HTT: variants seen among roughly 807,000 people sequenced by gnomAD.
HTT encodes the protein huntingtin, also known as huntington disease protein.
In HTT, 104 loss-of-function variants were observed where a neutral mutation model predicts 362.3. The observed-to-expected ratio is 0.29, with a 90% CI of 0.24 to 0.34. The LOEUF (loss-of-function observed/expected upper bound fraction) is 0.34, where lower values mean the gene tolerates loss of function less well. Ranked by LOEUF, HTT falls within the 10% of genes least tolerant of loss-of-function variation. The probability of loss-of-function intolerance (pLI) is 1.00; values close to 1 mark genes in which losing one functional copy is unlikely to be tolerated. For synonymous variants in HTT, 1,577 were observed against 1,548.7 expected, an observed-to-expected ratio of 1.02 and a Z score of -0.43; for missense variants, 3,301 against 3,928.6, an observed-to-expected ratio of 0.84 and a Z score of 4.27.
At chr4:3,084,904 C>T (rs185591130) in intron 1 of HTT, among the ~76,000 whole-genome samples, 96 of 151,596 alleles carry the variant, frequency 6.3e-4, no homozygotes, top group African/African-American at 2.1e-3. Context: ...GTCCCAGCTA[C>T]TTGGGAGGCT....
At chr4:3,182,671 G>A (rs1172959642) in intron 37 of HTT, among the ~76,000 whole-genome samples, 1 of 152,076 alleles carries the variant, frequency 6.6e-6, no homozygotes, top group Non-Finnish European at 1.5e-5. Flanking sequence ...TACTTTACAG[G>A]GGGGATCCCA....
intron 1 of HTT, among the ~76,000 whole-genome samples, chr4:3,076,420 T>C (rs1712554159): frequency 6.6e-6 from 1 of 152,250 alleles, no homozygotes; most frequent in Non-Finnish European, 1.5e-5. Flanking sequence ...GTTATGATCC[T>C]TGTCTCGTCT....
chr4:3,229,805 C>A, intron 59 of HTT, 82 bp from the exon 60 acceptor site: 1 of 1,424,038 alleles, frequency 7.0e-7, no homozygotes, highest in Non-Finnish European at 9.9e-7. Context: ...ACACGACTTG[C>A]CAGTAGTAGC....
intron 40 of HTT, among the ~76,000 whole-genome samples, chr4:3,198,740 T>A (rs1719384825): frequency 6.6e-6 from 1 of 152,236 alleles, no homozygotes; most frequent in African/African-American, 2.4e-5. Flanking sequence ...CCTGGAGCCC[T>A]GAGAAGGATG....
chr4:3,238,678 C>A, intron 65 of HTT, 69 bp downstream of exon 65: 1 of 1,507,676 alleles, frequency 6.6e-7, no homozygotes, highest in Non-Finnish European at 9.0e-7. Context: ...GACTTCCCAG[C>A]AGATTCGCCA....
rs1177357072 is a variant in HTT, at chr4:3,206,564, C to T, written c.5787C>T (p.Ser1929=). ...LIVNHIQDLI[S]LSHEPPVQDF... is the part of the protein sequence containing the mutation. ...TAAATCACATTCAAGATCTGATCAG[C>T]CTTTCCCACGAGCCTCCAGTACAGG... The change falls in exon 43 of 67, where the codon AGC becomes AGT. Residue 1929 remains serine (S), a synonymous_variant. Coordinates refer to ENST00000355072, the MANE Select transcript of HTT (RefSeq NM_001388492.1). The surrounding 1 kb of genome is among the most constrained non-coding windows in gnomAD (Gnocchi z 4.6). 5.6e-6 allele frequency: 9 copies of T among 1,614,066 alleles called. No homozygotes were observed. Among genetic ancestry groups the T allele is most frequent in the Non-Finnish European group, 7.6e-6 (9 of 1,179,980 alleles).
intron 1 of HTT, among the ~76,000 whole-genome samples, chr4:3,085,769 GTTTAGTTGTT>G (rs1713173569): frequency 6.6e-6 from 1 of 152,142 alleles, no homozygotes. Context: ...TAGTCTTTTA[GTTTAGTTGTT>G]TTTAGTTGGT....
At position 3,220,130 on chromosome 4, in the gene HTT, A is replaced by T. The variant is rs1720606736; in HGVS notation, c.7243-52A>T. 1.9e-6 allele frequency: 3 copies of T among 1,607,038 alleles called. No homozygotes were observed. In the South Asian group the frequency reaches 3.3e-5, roughly 18 times the overall value. ...GTCGGGCTTCCTGCTTCCTCACAGT[A>T]TGTCTGTCCTGACTCAACTCGGATG... On this transcript the variant is annotated intron_variant, in intron 52 of 66. Coordinates refer to ENST00000355072, the MANE Select transcript of HTT (RefSeq NM_001388492.1).
chr4:3,232,592 C>T (rs1398660222), intron 60 of HTT, among the ~76,000 whole-genome samples: 2 of 152,204 alleles, frequency 1.3e-5, no homozygotes, highest in East Asian at 3.8e-4. Flanking sequence ...CCAGGCTTTT[C>T]TAGAAAGACT....
chr4:3,229,319 CA>C (rs1456123100), intron 59 of HTT, among the ~76,000 whole-genome samples: 6 of 125,132 alleles, frequency 4.8e-5, no homozygotes, highest in African/African-American at 1.8e-4. Flanking sequence ...CACACACACA[CA>C]CCACACACAC....
intron 24 of HTT, 51 bp downstream of exon 24, chr4:3,145,279 T>C: frequency 8.1e-7 from 1 of 1,240,340 alleles, no homozygotes; most frequent in Non-Finnish European, 1.2e-6. Flanking sequence ...CAGTATGACA[T>C]AAACATAGTT....
chr4:3,107,478 T>C (rs1165424621), intron 6 of HTT, 55 bp downstream of exon 6: 2 of 1,593,538 alleles, frequency 1.3e-6, no homozygotes, highest in African/African-American at 1.3e-5. Context: ...AGTGAGTCTG[T>C]GGAGGGTGAG....
chr4:3,097,880 A>C (rs181992789), intron 2 of HTT, among the ~76,000 whole-genome samples: 1 of 152,340 alleles, frequency 6.6e-6, no homozygotes, highest in East Asian at 1.9e-4. Context: ...GAACTTTTTC[A>C]ACTGAATTTT....
At chr4:3,235,166 C>T (rs1721461810) in intron 61 of HTT, 118 bp from the exon 62 acceptor site, 4 of 731,558 alleles carry the variant, frequency 5.5e-6, no homozygotes, top group Non-Finnish European at 9.3e-6. Context: ...AGGGTAGGCG[C>T]TCCCGGGAGC....
chr4:3,191,364 A>T (rs1306344196), intron 40 of HTT, among the ~76,000 whole-genome samples: 1 of 151,970 alleles, frequency 6.6e-6, no homozygotes, highest in Non-Finnish European at 1.5e-5. Flanking sequence ...TAGTAGAGAC[A>T]GGGTTTCTCC....
At chr4:3,173,861 C>T (rs1469822431) in intron 31 of HTT, among the ~76,000 whole-genome samples, 1 of 151,906 alleles carries the variant, frequency 6.6e-6, no homozygotes, top group Non-Finnish European at 1.5e-5. Context: ...TTAGTAGAGA[C>T]GGGGTTTCAC....
chr4:3,173,892 C>T (rs1314779470), intron 31 of HTT, among the ~76,000 whole-genome samples: 1 of 152,032 alleles, frequency 6.6e-6, no homozygotes, highest in Non-Finnish European at 1.5e-5. Flanking sequence ...AGGATGGTCT[C>T]GATCTCCTGA....
At chr4:3,113,106 C>G in intron 6 of HTT, 3 of 655,198 alleles carry the variant, frequency 4.6e-6, no homozygotes, top group Non-Finnish European at 5.7e-6. Flanking sequence ...ATACAGTATG[C>G]CTCCTCTGTG....
At chr4:3,203,036 G>A (rs933146087) in intron 41 of HTT, 1 of 152,188 alleles carries the variant, frequency 6.6e-6, no homozygotes, top group Non-Finnish European at 1.5e-5. Flanking sequence ...GAACCACGCG[G>A]TGTGCAGCCT....
Sources: gnomAD v4.1 joint callset for allele counts (sites outside exome capture counted in the v4.1 genomes callset) on GRCh38, gnomAD v4.1.1 for gene constraint, Gnocchi (gnomAD v3.1) non-coding constraint, MANE v1.5 for transcripts, NCBI Gene and HGNC (gene_info 2026-07-23, HGNC 2026-07-21) for gene names.